CADM2: variants seen among roughly 807,000 people sequenced by gnomAD.
CADM2 encodes the protein cell adhesion molecule 2.
A neutral mutation model predicts 49.8 loss-of-function variants in CADM2; 12 were observed. That is an observed-to-expected ratio of 0.24 (90% CI 0.15 to 0.39). CADM2 has a LOEUF of 0.39. Among genes scored for constraint, CADM2 ranks in the 10% least tolerant of loss-of-function variants. The probability of loss-of-function intolerance (pLI) is 1.00; values close to 1 mark genes in which losing one functional copy is unlikely to be tolerated. For synonymous variants in CADM2, 214 were observed against 175.4 expected (o/e 1.22, Z -1.74); for missense variants, 378 against 492.3 (o/e 0.77, Z 2.20).
At chr3:85,542,198 G>A (rs1312091534) in intron 1 of CADM2, among the ~76,000 whole-genome samples, 1 of 151,970 alleles carries the variant, frequency 6.6e-6, no homozygotes, top group African/African-American at 2.4e-5. Flanking sequence ...TGTGCACATT[G>A]TAGATCATAA....
In CADM2 at chr3:85,713,190, C is replaced by A. The variant is rs553386795; in HGVS notation, c.62-13332C>A. Among the ~76,000 whole-genome samples, 3 of 152,280 alleles carry A rather than the reference C, an allele frequency of 2.0e-5. No homozygotes were observed. The East Asian group carries it at 5.8e-4, about 29-fold the overall frequency. ...TCGGCTCACTGCAACCTCCGCCTCCCGGGTTCAAGCCATTCTCCTGCCTCA... is the reference window on the plus strand; with the variant it reads ...TCGGCTCACTGCAACCTCCGCCTCCAGGGTTCAAGCCATTCTCCTGCCTCA... On this transcript the variant is annotated intron_variant, in intron 1 of 9. Transcript: ENST00000383699.
intron 1 of CADM2, among the ~76,000 whole-genome samples, chr3:85,604,723 A>G (rs779055309): frequency 6.6e-5 from 10 of 151,374 alleles, no homozygotes; most frequent in Non-Finnish European, 1.3e-4. Flanking sequence ...AGATTCTACA[A>G]TTCTTATATA....
chr3:85,195,305 T>C (rs1310498964), intron 1 of CADM2, among the ~76,000 whole-genome samples: 1 of 152,070 alleles, frequency 6.6e-6, no homozygotes, highest in Admixed American at 6.6e-5. Flanking sequence ...TCAAGTCTCC[T>C]GCCTCTCATT....
chr3:85,418,681 C>A (rs913180630), intron 1 of CADM2, among the ~76,000 whole-genome samples: 3 of 152,040 alleles, frequency 2.0e-5, no homozygotes, highest in African/African-American at 7.2e-5. Context: ...TTGAATAATT[C>A]TTGTGTCTAT....
chr3:85,323,694 T>C (rs921075100), intron 1 of CADM2, among the ~76,000 whole-genome samples: 1 of 152,206 alleles, frequency 6.6e-6, no homozygotes, highest in South Asian at 2.1e-4. Context: ...ATCATATCAA[T>C]TCTATTTCCA....
intron 1 of CADM2, among the ~76,000 whole-genome samples, chr3:85,526,691 AC>A (rs1307345896): frequency 6.6e-6 from 1 of 152,158 alleles, no homozygotes; most frequent in Non-Finnish European, 1.5e-5. Flanking sequence ...TGTGGCTCAC[AC>A]TAGATCCCTA....
rs112558951 is a variant in CADM2 at position 85,494,310 on chromosome 3, T to C, written c.62-232212T>C. ...AAAAAACATCACAGTCAAAATATAATTATTTTAGAATATGGTTCCAATTCA... is the reference window on the plus strand; with the variant it reads ...AAAAAACATCACAGTCAAAATATAACTATTTTAGAATATGGTTCCAATTCA... On this transcript the variant is annotated intron_variant, in intron 1 of 9. Transcript: ENST00000383699. Among the ~76,000 whole-genome samples the C allele has an allele frequency of 9.4e-3, 1,432 of 152,318 alleles. 24 individuals carry two copies. Among genetic ancestry groups the C allele is most frequent in the African/African-American group, 0.031 (1,275 of 41,574 alleles).
chr3:86,041,053 G>T (rs1386854961), intron 8 of CADM2, among the ~76,000 whole-genome samples: 1 of 152,100 alleles, frequency 6.6e-6, no homozygotes, highest in Admixed American at 6.5e-5. Context: ...TCACCACCAG[G>T]CCTGCCCTAA....
intron 1 of CADM2, among the ~76,000 whole-genome samples, chr3:85,524,998 G>A (rs1218058616): frequency 6.6e-6 from 1 of 152,036 alleles, no homozygotes; most frequent in East Asian, 1.9e-4. Context: ...ACACATCAGG[G>A]CCTGCCAGGT....
intron 8 of CADM2, among the ~76,000 whole-genome samples, chr3:86,007,574 T>A (rs551575136): frequency 6.6e-6 from 1 of 152,324 alleles, no homozygotes; most frequent in African/African-American, 2.4e-5. Flanking sequence ...TTTACCTCTT[T>A]TTGCCTAATT....
At chr3:85,248,151 A>G (rs1268636993) in intron 1 of CADM2, among the ~76,000 whole-genome samples, 1 of 152,212 alleles carries the variant, frequency 6.6e-6, no homozygotes, top group Non-Finnish European at 1.5e-5. Context: ...ATTTGGTATT[A>G]ATTATAACTT....
chr3:85,637,590 C>T (rs2064543284), intron 1 of CADM2, among the ~76,000 whole-genome samples: 1 of 58,014 alleles, frequency 1.7e-5, no homozygotes, highest in Non-Finnish European at 3.6e-5. Flanking sequence ...GCCTGGGCGA[C>T]AGAGCGAGAC....
At chr3:85,558,858 T>C (rs2062023010) in intron 1 of CADM2, among the ~76,000 whole-genome samples, 1 of 152,102 alleles carries the variant, frequency 6.6e-6, no homozygotes, top group Admixed American at 6.6e-5. Flanking sequence ...AGAAGTGGTC[T>C]TTAAATTTTA....
intron 5 of CADM2, among the ~76,000 whole-genome samples, chr3:85,911,818 T>C (rs984275648): frequency 1.3e-5 from 2 of 152,150 alleles, no homozygotes; most frequent in Non-Finnish European, 2.9e-5. Context: ...TAAGAATATC[T>C]TGTGCCTGAT....
chr3:85,277,579 G>T (rs1245201927), intron 1 of CADM2, among the ~76,000 whole-genome samples: 2 of 151,190 alleles, frequency 1.3e-5, no homozygotes, highest in Non-Finnish European at 1.5e-5. Flanking sequence ...ATTCTCTCAC[G>T]AACATTGTTA....
intron 3 of CADM2, among the ~76,000 whole-genome samples, chr3:85,826,613 T>G (rs990620735): frequency 2.0e-5 from 3 of 151,858 alleles, no homozygotes; most frequent in African/African-American, 7.2e-5. Flanking sequence ...CAAATGATAG[T>G]GGGGAAATGA....
At chr3:85,784,838 T>G (rs1449736648) in intron 2 of CADM2, among the ~76,000 whole-genome samples, 1 of 152,296 alleles carries the variant, frequency 6.6e-6, no homozygotes, top group East Asian at 1.9e-4. Flanking sequence ...CCTTGATTTT[T>G]TTGAAACAGT....
intron 3 of CADM2, among the ~76,000 whole-genome samples, chr3:85,863,835 A>C (rs961933953): frequency 1.3e-5 from 2 of 152,228 alleles, no homozygotes; most frequent in Non-Finnish European, 2.9e-5. Context: ...ATCAGAAAAG[A>C]GGACTTGTGA....
At chr3:85,271,808 A>C (rs2043249866) in intron 1 of CADM2, among the ~76,000 whole-genome samples, 1 of 151,340 alleles carries the variant, frequency 6.6e-6, no homozygotes. Context: ...AACTGTCAAA[A>C]AAGAACCATT....
Sources: allele counts gnomAD v4.1 joint callset (sites outside exome capture counted in the v4.1 genomes callset), GRCh38; gene constraint gnomAD v4.1.1; transcripts MANE v1.5; gene names NCBI Gene and HGNC (gene_info 2026-07-23, HGNC 2026-07-21).